Variants in SLC30A8 observed in about 807,000 individuals in gnomAD.
SLC30A8 encodes proton-coupled zinc antiporter SLC30A8.
Under a neutral mutation model 36.9 loss-of-function variants are expected in SLC30A8, and 27 were observed. The ratio of observed to expected loss-of-function variants is 0.73; its 90% CI spans 0.54 to 1.01. The LOEUF is 1.01. Ranked by LOEUF, SLC30A8 falls within the 50% of genes least tolerant of loss-of-function variation. The pLI is 0.00. For synonymous variants in SLC30A8, 164 were observed against 172.4 expected (o/e 0.95, Z 0.38); for missense variants, 439 against 452.0 (o/e 0.97, Z 0.26).
chr8:117,055,815 T>C (rs1817854367), intron 2 of SLC30A8: 1 of 152,090 alleles, frequency 6.6e-6, no homozygotes, highest in Admixed American at 6.6e-5. Context: ...AATGAGTCAG[T>C]GAAGTAGCTC....
chr8:117,024,933 A>G (rs1214798199), intron 1 of SLC30A8, among the ~76,000 whole-genome samples: 2 of 152,144 alleles, frequency 1.3e-5, no homozygotes, highest in African/African-American at 4.8e-5. Flanking sequence ...CCCAGTATCC[A>G]TTAGCTATTC....
intron 2 of SLC30A8, among the ~76,000 whole-genome samples, chr8:117,071,743 A>T (rs1818336510): frequency 6.6e-6 from 1 of 152,118 alleles, no homozygotes; most frequent in African/African-American, 2.4e-5. Flanking sequence ...TAAGATAAGG[A>T]TCTAATTTTA....
intron 2 of SLC30A8, among the ~76,000 whole-genome samples, chr8:117,046,155 A>G (rs1817542901): frequency 6.6e-6 from 1 of 152,178 alleles, no homozygotes; most frequent in African/African-American, 2.4e-5. Flanking sequence ...CGCTTGAGGC[A>G]TGTTGAGAGA....
chr8:117,166,005 G>A (rs1019729028), intron 6 of SLC30A8, among the ~76,000 whole-genome samples: 1 of 152,086 alleles, frequency 6.6e-6, no homozygotes, highest in African/African-American at 2.4e-5. Flanking sequence ...GGAGAGAGTT[G>A]TTAAAGGATG....
At position 117,000,152 on chromosome 8, in the gene SLC30A8, G is replaced by A. The variant is rs75762565; in HGVS notation, c.-265-39067G>A. On this transcript the variant is annotated intron_variant, in intron 1 of 10. Transcript: ENST00000427715. ...CTATGAGTCAGATCAAGCAATGTTA[G>A]CCATGTCTTATGTGTTGTGGATAAC... Among the ~76,000 whole-genome samples, 30 of 152,300 alleles carry A rather than the reference G, an allele frequency of 2.0e-4. No homozygotes were observed. In the East Asian group the frequency reaches 5.2e-3, roughly 26 times the overall value.
At chr8:117,123,136 TCTC>T (rs964400147) in intron 2 of SLC30A8, among the ~76,000 whole-genome samples, 1 of 151,982 alleles carries the variant, frequency 6.6e-6, no homozygotes, top group Non-Finnish European at 1.5e-5. Context: ...TCAGGCTTCA[TCTC>T]CTCTACTTTC....
chr8:117,149,858 T>G (rs2130974522), intron 2 of SLC30A8, among the ~76,000 whole-genome samples: 1 of 152,272 alleles, frequency 6.6e-6, no homozygotes, highest in South Asian at 2.1e-4. Flanking sequence ...CTGGAGTCTG[T>G]CCCAGCAGCT....
chr8:117,114,990 G>A (rs1164221323), intron 2 of SLC30A8, among the ~76,000 whole-genome samples: 1 of 151,828 alleles, frequency 6.6e-6, no homozygotes, highest in Non-Finnish European at 1.5e-5. Context: ...CTCACTGTAG[G>A]CTCAAACTCC....
chr8:116,950,306 G>GCTCCT (rs1813947831), upstream of SLC30A8: 2 of 163,264 alleles, frequency 1.2e-5, no homozygotes, highest in Admixed American at 1.3e-4. Context: ...CTCAATAGGA[G>GCTCCT]ATCAGTTAAT....
chr8:117,022,393 G>A (rs1816728627), intron 1 of SLC30A8, among the ~76,000 whole-genome samples: 1 of 151,978 alleles, frequency 6.6e-6, no homozygotes, highest in South Asian at 2.1e-4. Flanking sequence ...AATACATGCT[G>A]GATTCAAATG....
At chr8:116,952,588 G>A (rs1814033504) in intron 1 of SLC30A8, among the ~76,000 whole-genome samples, 1 of 152,036 alleles carries the variant, frequency 6.6e-6, no homozygotes, top group Admixed American at 6.6e-5. Flanking sequence ...GGGATTACAG[G>A]TGCTCACCAC....
chr8:117,050,183 C>G (rs1367247124), intron 2 of SLC30A8, among the ~76,000 whole-genome samples: 1 of 152,106 alleles, frequency 6.6e-6, no homozygotes, highest in Non-Finnish European at 1.5e-5. Context: ...CATGACCTAA[C>G]GAGTCTGTGG....
chr8:117,120,211 A>G (rs1586548450), intron 2 of SLC30A8, among the ~76,000 whole-genome samples: 1 of 152,130 alleles, frequency 6.6e-6, no homozygotes, highest in African/African-American at 2.4e-5. Flanking sequence ...TTCTGATTTT[A>G]AAACATATTT....
intron 2 of SLC30A8, among the ~76,000 whole-genome samples, chr8:117,066,771 A>C (rs867191407): frequency 6.6e-6 from 1 of 152,234 alleles, no homozygotes; most frequent in Middle Eastern, 3.4e-3. Context: ...AGGTTGGCCT[A>C]GATTTCCAGG....
chr8:116,982,552 A>G (rs1307442539), intron 1 of SLC30A8, among the ~76,000 whole-genome samples: 2 of 152,192 alleles, frequency 1.3e-5, no homozygotes, highest in African/African-American at 2.4e-5. Flanking sequence ...ATAAAAGCAA[A>G]TAAGATAGTT....
intron 1 of SLC30A8, among the ~76,000 whole-genome samples, chr8:117,036,876 G>A (rs1277168369): frequency 6.6e-6 from 1 of 152,194 alleles, no homozygotes; most frequent in African/African-American, 2.4e-5. Flanking sequence ...TTTGAGCCTA[G>A]TTGGGCTCCA....
chr8:117,126,943 A>G (rs1268371634), intron 2 of SLC30A8, among the ~76,000 whole-genome samples: 1 of 151,990 alleles, frequency 6.6e-6, no homozygotes, highest in Non-Finnish European at 1.5e-5. Context: ...GTTCCAGGCA[A>G]AGGCGACAGT....
intron 2 of SLC30A8, among the ~76,000 whole-genome samples, chr8:117,067,587 G>C (rs911457021): frequency 2.0e-5 from 3 of 152,080 alleles, no homozygotes; most frequent in Non-Finnish European, 4.4e-5. Flanking sequence ...ATCTAAAGTG[G>C]CTACAGAATC....
chr8:117,146,712 T>A, intron 1 of SLC30A8: 1 of 675,784 alleles, frequency 1.5e-6, no homozygotes, highest in Non-Finnish European at 2.2e-6. Context: ...TAATAATTGG[T>A]GGCATTGACT....
Sources: allele counts gnomAD v4.1 joint callset (sites outside exome capture counted in the v4.1 genomes callset), GRCh38; gene constraint gnomAD v4.1.1; transcripts MANE v1.5; gene names NCBI Gene and HGNC (gene_info 2026-07-23, HGNC 2026-07-21).